Variants in KATNIP observed in about 807,000 individuals in gnomAD.
KATNIP encodes katanin interacting protein.
Under a neutral mutation model 174.0 loss-of-function variants are expected in KATNIP, and 126 were observed. That is an observed-to-expected ratio of 0.72 (90% CI 0.63 to 0.84). The LOEUF (loss-of-function observed/expected upper bound fraction) is 0.84. Ranked by LOEUF, KATNIP falls within the 40% of genes least tolerant of loss-of-function variation. The pLI, the probability that KATNIP is intolerant of heterozygous loss-of-function variation, is 0.00. For synonymous variants in KATNIP, 810 were observed against 835.7 expected (o/e 0.97, Z 0.53); for missense variants, 1,958 against 2,109.7 (o/e 0.93, Z 1.41).
intron 2 of KATNIP, among the ~76,000 whole-genome samples, chr16:27,594,311 A>G (rs898147534): frequency 6.6e-6 from 1 of 151,780 alleles, no homozygotes; most frequent in Admixed American, 6.6e-5. Flanking sequence ...GCTGAAGCTC[A>G]TGTTGTTAAT....
chr16:27,659,254 T>A (rs565619228), intron 6 of KATNIP, among the ~76,000 whole-genome samples: 24 of 152,274 alleles, frequency 1.6e-4, no homozygotes, highest in African/African-American at 5.8e-4. Flanking sequence ...GACTCATGCC[T>A]GTAATCCTGG....
intron 14 of KATNIP, among the ~76,000 whole-genome samples, chr16:27,739,429 T>C (rs2143514821): frequency 6.6e-6 from 1 of 152,322 alleles, no homozygotes; most frequent in Middle Eastern, 3.4e-3. Context: ...TTTTTCCTTT[T>C]TCCTGCCCTA....
chr16:27,610,709 G>A (rs546062551), intron 2 of KATNIP, among the ~76,000 whole-genome samples: 49 of 152,282 alleles, frequency 3.2e-4, no homozygotes, highest in African/African-American at 1.2e-3. Flanking sequence ...GATTACAGCT[G>A]TGAAAGGAAA....
At chr16:27,613,133 A>G (rs944087927) in intron 2 of KATNIP, among the ~76,000 whole-genome samples, 2 of 151,840 alleles carry the variant, frequency 1.3e-5, no homozygotes, top group Non-Finnish European at 2.9e-5. Flanking sequence ...AAAATTAGCC[A>G]TGTATTGGCA....
chr16:27,567,913 A>G (rs969544975), intron 1 of KATNIP, among the ~76,000 whole-genome samples: 2 of 152,178 alleles, frequency 1.3e-5, no homozygotes, highest in Admixed American at 6.5e-5. Context: ...GTAGTGAGCT[A>G]TGTTCACACC....
chr16:27,622,853 T>G (rs141293668), intron 3 of KATNIP, among the ~76,000 whole-genome samples: 1 of 152,208 alleles, frequency 6.6e-6, no homozygotes, highest in East Asian at 1.9e-4. Context: ...ATCTTTAGTC[T>G]CCTGTTACAG....
At chr16:27,632,067 G>A (rs1440979986) in intron 5 of KATNIP, among the ~76,000 whole-genome samples, 3 of 152,186 alleles carry the variant, frequency 2.0e-5, no homozygotes, top group African/African-American at 7.2e-5. Context: ...GCTAAGAAGT[G>A]GCAGAATCAA....
chr16:27,777,088 C>T lies in KATNIP; in HGVS notation c.4551+59C>T, dbSNP rs922561202. ...TTATGCTCGTTGGTAATTAGGCCGCCGGCAATTATCATTTGTCGCAGTTTG... is the reference window on the plus strand; with the variant it reads ...TTATGCTCGTTGGTAATTAGGCCGCTGGCAATTATCATTTGTCGCAGTTTG... On this transcript the variant is annotated intron_variant, in intron 25 of 27. Transcript: ENST00000261588. The surrounding 1 kb of genome is among the most constrained non-coding windows in gnomAD (Gnocchi z 4.4). The T allele has an allele frequency of 1.8e-5, 19 of 1,059,186 alleles. No individual in the cohort carries two copies. The highest frequency in any genetic ancestry group is 5.1e-5 in the South Asian group (4 of 78,114). 65.6% of individuals were successfully genotyped at this position (1,059,186 alleles called of 1,614,324 possible).
chr16:27,724,676 C>A (rs1253524276), intron 14 of KATNIP, among the ~76,000 whole-genome samples: 1 of 152,158 alleles, frequency 6.6e-6, no homozygotes. Context: ...CCAGAATTTA[C>A]CAGGAGCAGA....
At chr16:27,587,781 C>T (rs1429857624) in intron 2 of KATNIP, among the ~76,000 whole-genome samples, 1 of 152,068 alleles carries the variant, frequency 6.6e-6, no homozygotes, top group African/African-American at 2.4e-5. Context: ...AGTACAGTTT[C>T]CACTGAATGT....
intron 1 of KATNIP, among the ~76,000 whole-genome samples, chr16:27,567,519 T>C (rs2090134612): frequency 6.6e-6 from 1 of 151,638 alleles, no homozygotes; most frequent in South Asian, 2.1e-4. Context: ...TTTTTCTGTT[T>C]GTTTGTGTTT....
At chr16:27,640,305 G>A (rs978467012) in intron 5 of KATNIP, among the ~76,000 whole-genome samples, 11 of 152,246 alleles carry the variant, frequency 7.2e-5, no homozygotes, top group Admixed American at 2.6e-4. Context: ...GTACAGCAGC[G>A]TGCCAAGCGG....
At chr16:27,643,682 A>G (rs1395060780) in intron 5 of KATNIP, among the ~76,000 whole-genome samples, 1 of 149,666 alleles carries the variant, frequency 6.7e-6, no homozygotes, top group African/African-American at 2.5e-5. Context: ...ACGTAGTGTG[A>G]AAGCGTTGAT....
chr16:27,667,871 C>G (rs552783006), intron 6 of KATNIP, among the ~76,000 whole-genome samples: 42 of 152,292 alleles, frequency 2.8e-4, no homozygotes, highest in Non-Finnish European at 4.4e-4. Flanking sequence ...CTAATCAGGG[C>G]ACATTTTCCC....
chr16:27,629,014 G>A (rs1352054636), intron 4 of KATNIP, among the ~76,000 whole-genome samples, 184 bp downstream of exon 4: 1 of 151,654 alleles, frequency 6.6e-6, no homozygotes, highest in Admixed American at 6.6e-5. Flanking sequence ...CTAAAAATAC[G>A]AAAATTAGCC....
At chr16:27,687,164 A>T (rs1012741675) in intron 8 of KATNIP, 1 of 152,184 alleles carries the variant, frequency 6.6e-6, no homozygotes. Flanking sequence ...GGCAGCTCTC[A>T]TCAGAATCAG....
chr16:27,600,933 A>G (rs1299411861), intron 2 of KATNIP, among the ~76,000 whole-genome samples: 3 of 151,938 alleles, frequency 2.0e-5, no homozygotes, highest in Admixed American at 2.0e-4. Context: ...GGGTTTCACC[A>G]TGTTGGCCAG....
intron 21 of KATNIP, among the ~76,000 whole-genome samples, chr16:27,770,559 G>A (rs1043679022): frequency 3.3e-5 from 5 of 152,182 alleles, no homozygotes; most frequent in African/African-American, 9.7e-5. Flanking sequence ...GCACTGTAGC[G>A]GGGTTGGCTG....
At chr16:27,739,970 T>G in intron 14 of KATNIP, 71 bp from the exon 15 acceptor site, 1 of 1,491,036 alleles carries the variant, frequency 6.7e-7, no homozygotes, top group African/African-American at 1.4e-5. Context: ...TTTTGGTATC[T>G]TCGACTTCCA....
Sources: allele counts gnomAD v4.1 joint callset (sites outside exome capture counted in the v4.1 genomes callset), GRCh38; gene constraint gnomAD v4.1.1; non-coding constraint Gnocchi (gnomAD v3.1); transcripts MANE v1.5; gene names NCBI Gene and HGNC (gene_info 2026-07-23, HGNC 2026-07-21).